The following LAMA2 variants were observed in gnomAD, a reference collection of about 807,000 sequenced individuals.
The protein encoded by LAMA2 is laminin subunit alpha 2, also known as laminin subunit alpha-2.
In LAMA2, 269 loss-of-function variants were observed where a neutral mutation model predicts 364.8. That is an observed-to-expected ratio of 0.74 (90% CI 0.67 to 0.82). The LOEUF (loss-of-function observed/expected upper bound fraction) is 0.82. LAMA2 is among the 40% of genes least tolerant of loss of function. The probability of loss-of-function intolerance (pLI) is 0.00; values close to 1 mark genes in which losing one functional copy is unlikely to be tolerated. For synonymous variants in LAMA2, 1,379 were observed against 1,370.6 expected (o/e 1.01, Z -0.14); for missense variants, 3,807 against 3,873.2 (o/e 0.98, Z 0.45).
chr6:129,395,244 T>G (rs1779546691), intron 37 of LAMA2, among the ~76,000 whole-genome samples: 1 of 152,218 alleles, frequency 6.6e-6, no homozygotes, highest in South Asian at 2.1e-4. Flanking sequence ...AAGCTGCATT[T>G]TAAATAAATA....
At position 129,464,354 on chromosome 6, in the gene LAMA2, C is replaced by T. The variant is rs145885540; in HGVS notation, c.7057C>T (p.Arg2353Cys). The T allele has an allele frequency of 8.7e-5, 140 of 1,611,254 alleles. 1 individual carries two copies. The highest frequency in any genetic ancestry group is 8.2e-4 in the Middle Eastern group (5 of 6,066). The change falls in exon 50 of 65, where the codon CGT (arginine) becomes TGT (cysteine). Residue 2353 changes from arginine to cysteine, a missense_variant. By Grantham distance (180) the Arg-to-Cys change is radical. Around this residue, in one of 3 missense-constraint regions of LAMA2, gnomAD observed 3,333 missense variants for 3,345.7 expected, o/e 1.00. Coordinates refer to ENST00000421865, the MANE Select transcript of LAMA2 (RefSeq NM_000426.4). ...FDGEGYALVS[R>C]PIRWYPNIST... ...TGGAGAAGGTTATGCATTGGTCAGC[C>T]GTCCCATTCGCTGGTACCCCAACAT...
At chr6:129,262,402 G>A (rs1787196170) in intron 15 of LAMA2, among the ~76,000 whole-genome samples, 2 of 151,996 alleles carry the variant, frequency 1.3e-5, no homozygotes, top group African/African-American at 4.8e-5. Context: ...TACTGCAGTG[G>A]AGAGAGATGC....
At chr6:129,292,609 T>C (rs529110531) in intron 20 of LAMA2, among the ~76,000 whole-genome samples, 1 of 152,220 alleles carries the variant, frequency 6.6e-6, no homozygotes, top group Non-Finnish European at 1.5e-5. Flanking sequence ...TCCATGAGGG[T>C]GGACAGATTT....
chr6:129,048,185 T>C (rs2114769282), intron 1 of LAMA2, among the ~76,000 whole-genome samples: 1 of 152,030 alleles, frequency 6.6e-6, no homozygotes, highest in South Asian at 2.1e-4. Context: ...TGATTATAAT[T>C]ATTATTATTA....
intron 4 of LAMA2, among the ~76,000 whole-genome samples, chr6:129,113,232 C>G (rs185529621): frequency 3.0e-4 from 45 of 152,020 alleles, no homozygotes; most frequent in Admixed American, 2.5e-3. Flanking sequence ...TGTGTTAGCC[C>G]CTCATTTTCT....
intron 4 of LAMA2, among the ~76,000 whole-genome samples, chr6:129,142,573 A>T (rs958370756): frequency 6.6e-6 from 1 of 152,010 alleles, no homozygotes; most frequent in Non-Finnish European, 1.5e-5. Flanking sequence ...TATTCAGTTC[A>T]CCTGTAATAT....
intron 4 of LAMA2, among the ~76,000 whole-genome samples, chr6:129,115,114 C>A (rs1044620399): frequency 1.3e-5 from 2 of 151,928 alleles, no homozygotes; most frequent in South Asian, 4.1e-4. Context: ...TATCCAAAAA[C>A]AACACAGAAG....
intron 20 of LAMA2, among the ~76,000 whole-genome samples, chr6:129,296,695 C>A (rs944780809): frequency 1.3e-5 from 2 of 151,626 alleles, no homozygotes; most frequent in Non-Finnish European, 2.9e-5. Context: ...ATTATTAAGT[C>A]TAATTTTCCA....
At chr6:129,409,073 A>C (rs1197276740) in intron 40 of LAMA2, among the ~76,000 whole-genome samples, 1 of 152,190 alleles carries the variant, frequency 6.6e-6, no homozygotes, top group African/African-American at 2.4e-5. Context: ...CAGCACATTA[A>C]TTAGTATATA....
intron 21 of LAMA2, among the ~76,000 whole-genome samples, chr6:129,299,796 T>C (rs1425869358): frequency 3.3e-5 from 5 of 152,214 alleles, no homozygotes; most frequent in Admixed American, 1.3e-4. Context: ...CAATGAATAT[T>C]GTCATTTCAT....
At chr6:129,069,883 GTATT>G (rs1562210656) in intron 3 of LAMA2, among the ~76,000 whole-genome samples, 1 of 149,850 alleles carries the variant, frequency 6.7e-6, no homozygotes, top group Admixed American at 6.7e-5. Context: ...TTAGCTATAT[GTATT>G]TATATGTACC....
At chr6:129,045,966 T>C (rs1187522650) in intron 1 of LAMA2, among the ~76,000 whole-genome samples, 1 of 152,222 alleles carries the variant, frequency 6.6e-6, no homozygotes, top group African/African-American at 2.4e-5. Flanking sequence ...GACAATGCCC[T>C]GGTGAAGTTT....
chr6:129,227,064 A>C (rs1254491445), intron 12 of LAMA2, among the ~76,000 whole-genome samples: 4 of 151,744 alleles, frequency 2.6e-5, no homozygotes, highest in Admixed American at 6.6e-5. Flanking sequence ...TTCTCTTCTC[A>C]CTTCATTTCA....
intron 1 of LAMA2, among the ~76,000 whole-genome samples, chr6:128,936,313 T>A (rs1037285038): frequency 3.3e-5 from 5 of 152,260 alleles, no homozygotes; most frequent in African/African-American, 1.2e-4. Flanking sequence ...AGCTGTAGAC[T>A]TGTCATATAT....
At chr6:128,891,389 A>G (rs1776442708) in intron 1 of LAMA2, among the ~76,000 whole-genome samples, 1 of 152,062 alleles carries the variant, frequency 6.6e-6, no homozygotes, top group Non-Finnish European at 1.5e-5. Flanking sequence ...TCAAATGCCT[A>G]CATATTATAG....
intron 1 of LAMA2, among the ~76,000 whole-genome samples, chr6:128,930,709 C>CA (rs1779420226): frequency 6.6e-6 from 1 of 152,178 alleles, no homozygotes; most frequent in African/African-American, 2.4e-5. Flanking sequence ...TTTTTCTACT[C>CA]AAAGTCTCTT....
rs535013739 is a variant in LAMA2, at chr6:129,245,835, G to T, written c.1783-4277G>T. Among the ~76,000 whole-genome samples the T allele has an allele frequency of 2.0e-5, 3 of 152,254 alleles. No individual in the cohort carries two copies. In the South Asian group the frequency reaches 6.2e-4, roughly 32 times the overall value. On this transcript the variant is annotated intron_variant, in intron 12 of 64. Transcript: ENST00000421865. The stretch of plus-strand genomic sequence containing the variant: ...AATGGTCAGAGAACTATAAGAATGA[G>T]AATTCTGGCAGGAAAATTCATTTTT...
At chr6:129,147,202 G>A (rs1239984450) in intron 6 of LAMA2, among the ~76,000 whole-genome samples, 154 bp downstream of exon 6, 2 of 151,552 alleles carry the variant, frequency 1.3e-5, no homozygotes, top group Non-Finnish European at 2.9e-5. Flanking sequence ...ATAAGAGCTG[G>A]CAGTTAGGAT....
At chr6:129,482,461 T>C (rs1784393952) in intron 55 of LAMA2, among the ~76,000 whole-genome samples, 1 of 152,192 alleles carries the variant, frequency 6.6e-6, no homozygotes, top group African/African-American at 2.4e-5. Context: ...AATCTAGTTT[T>C]TCTCAATGAA....
Sources: gnomAD v4.1 joint callset for allele counts (sites outside exome capture counted in the v4.1 genomes callset) on GRCh38, gnomAD v4.1.1 for gene constraint, gnomAD v4.1.1 regional missense constraint, MANE v1.5 for transcripts, NCBI Gene and HGNC (gene_info 2026-07-23, HGNC 2026-07-21) for gene names.